ZMYM1: variants seen among roughly 807,000 people sequenced by gnomAD.
ZMYM1 encodes zinc finger MYM-type protein 1.
ZMYM1 carries 39 observed loss-of-function variants against 60.0 expected under a neutral mutation model. That is an observed-to-expected ratio of 0.65 (90% CI 0.50 to 0.85). ZMYM1 has a LOEUF of 0.85. Ranked by LOEUF, ZMYM1 falls within the 40% of genes least tolerant of loss-of-function variation. ZMYM1 has a pLI of 0.00. For missense variants in ZMYM1, 1,171 were observed against 1,309.5 expected (o/e 0.89, Z 1.63); for synonymous variants, 413 against 454.0 (o/e 0.91, Z 1.15).
chr1:35,114,400 A>G lies in ZMYM1; in HGVS notation c.2570A>G (p.Glu857Gly), dbSNP rs746952935. The change falls in exon 10 of 10, where the codon GAA (glutamate) becomes GGA (glycine). Residue 857 changes from glutamate (E) to glycine (G), a missense_variant. Coordinates refer to ENST00000359858, the MANE Select transcript of ZMYM1 (RefSeq NM_024772.5). ...TTGCTGACATTGGTTTCCAAATTTG[A>G]ATTTGTCTTTTGTTTGAAATTCCTG... ...SHLLTLVSKFEFVFCLKFLYR... is the reference protein window; with the variant it reads ...SHLLTLVSKFGFVFCLKFLYR... 4 of 1,613,008 alleles carry G rather than the reference A, an allele frequency of 2.5e-6. No homozygotes were observed. In the South Asian group the frequency reaches 4.4e-5, roughly 18 times the overall value.
rs750142779 is a variant in ZMYM1 at position 35,113,917 on chromosome 1, C to T, written c.2087C>T (p.Thr696Ile). The part of the protein sequence containing the change: ...EEMTGTHLHR[T>I]IKTYLQQIGV... The stretch of plus-strand genomic sequence containing the variant: ...ATGACTGGGACCCACTTACATAGGA[C>T]TATCAAAACTTATCTGCAGCAAATT... Residue 696 changes from threonine (T) to isoleucine (I), a missense_variant, in exon 10 of 10, where the codon ACT becomes ATT. Thr to Ile is a moderately conservative substitution (Grantham distance 89, BLOSUM62 -1). Coordinates refer to ENST00000359858, the MANE Select transcript of ZMYM1 (RefSeq NM_024772.5). The T allele has an allele frequency of 1.9e-6, 3 of 1,613,870 alleles. No homozygotes were observed. In the Admixed American group the frequency reaches 5.0e-5, roughly 27 times the overall value.
intron 6 of ZMYM1, among the ~76,000 whole-genome samples, chr1:35,109,743 T>G (rs968208265): frequency 1.3e-5 from 2 of 151,980 alleles, no homozygotes; most frequent in Admixed American, 6.6e-5. Context: ...ACTTTCTTCA[T>G]TGCTTTTTTT....
At chr1:35,084,711 G>T (rs752297860) in intron 1 of ZMYM1, among the ~76,000 whole-genome samples, 33 of 152,156 alleles carry the variant, frequency 2.2e-4, no homozygotes, top group Non-Finnish European at 3.8e-4. Flanking sequence ...GCTCTTTGAC[G>T]TTTAACTGCT....
intron 1 of ZMYM1, among the ~76,000 whole-genome samples, chr1:35,086,087 G>A (rs1431611958): frequency 6.6e-6 from 1 of 152,096 alleles, no homozygotes; most frequent in East Asian, 1.9e-4. Context: ...TTTAAACATT[G>A]TATTTGGGTT....
intron 1 of ZMYM1, among the ~76,000 whole-genome samples, chr1:35,089,974 G>A (rs1465696244): frequency 1.3e-5 from 2 of 148,846 alleles, no homozygotes; most frequent in South Asian, 2.1e-4. Context: ...GCGCGATCTC[G>A]GCTCACTGCA....
intron 4 of ZMYM1, among the ~76,000 whole-genome samples, chr1:35,102,451 C>G (rs1643711120): frequency 6.6e-6 from 1 of 152,134 alleles, no homozygotes; most frequent in South Asian, 2.1e-4. Flanking sequence ...TTTTATTATG[C>G]AGTATTTTAA....
At chr1:35,068,649 A>AAAT (rs1451846357) in intron 1 of ZMYM1, among the ~76,000 whole-genome samples, 3 of 145,284 alleles carry the variant, frequency 2.1e-5, no homozygotes, top group East Asian at 2.0e-4. Flanking sequence ...CAAAAAAAAA[A>AAAT]ATATATATAT....
At chr1:35,098,057 A>T (rs1264668115) in intron 4 of ZMYM1, among the ~76,000 whole-genome samples, 1 of 152,086 alleles carries the variant, frequency 6.6e-6, no homozygotes, top group Non-Finnish European at 1.5e-5. Flanking sequence ...TGCAGAAATT[A>T]ATGTGAAAAG....
intron 2 of ZMYM1, among the ~76,000 whole-genome samples, chr1:35,094,897 A>C (rs1173661839): frequency 1.3e-5 from 2 of 152,106 alleles, no homozygotes; most frequent in East Asian, 3.9e-4. Context: ...AACCAGCTGA[A>C]AGTTCTAATG....
At chr1:35,103,943 A>G (rs1043676668) in intron 4 of ZMYM1, among the ~76,000 whole-genome samples, 5 of 152,180 alleles carry the variant, frequency 3.3e-5, no homozygotes, top group African/African-American at 9.7e-5. Flanking sequence ...CCAAAACTAC[A>G]TCTTCAAAGT....
At chr1:35,107,050 A>AC (rs1258433023) in intron 6 of ZMYM1, among the ~76,000 whole-genome samples, 3 of 150,868 alleles carry the variant, frequency 2.0e-5, no homozygotes, top group Non-Finnish European at 4.4e-5. Context: ...ACAGGGTTTC[A>AC]CCGTGTTAGC....
chr1:35,088,989 T>C (rs888506454), intron 1 of ZMYM1, among the ~76,000 whole-genome samples: 12 of 151,686 alleles, frequency 7.9e-5, no homozygotes, highest in Admixed American at 7.2e-4. Flanking sequence ...TTTTTTGTAT[T>C]TTTTAGTGGA....
At chr1:35,087,575 C>T (rs973751347) in intron 1 of ZMYM1, among the ~76,000 whole-genome samples, 41 of 151,818 alleles carry the variant, frequency 2.7e-4, no homozygotes, top group African/African-American at 9.9e-4. Flanking sequence ...TACAGGCATG[C>T]CCCACCACGC....
At chr1:35,081,248 A>G (rs2148487860) in intron 1 of ZMYM1, among the ~76,000 whole-genome samples, 2 of 152,348 alleles carry the variant, frequency 1.3e-5, no homozygotes, top group African/African-American at 4.8e-5. Context: ...AGTGTAATGT[A>G]TAAAGAAGTG....
In ZMYM1 at chr1:35,104,327, T is replaced by C. The variant is rs779551107; in HGVS notation, c.452T>C (p.Val151Ala). Residue 151 changes from valine (V) to alanine (A), a missense_variant, in exon 5 of 10, where the codon GTC becomes GCC. Transcript: ENST00000359858. The stretch of plus-strand genomic sequence containing the variant: ...TTAAATCCAAAGGATGTGATTAGTG[T>C]CCAGCTGGAAGACACTACCTCTTGC... ...DILNPKDVIS[V>A]QLEDTTSCKT... The C allele has an allele frequency of 6.2e-7, 1 of 1,604,202 alleles. No homozygotes were observed. The highest frequency in any genetic ancestry group is 1.1e-5 in the South Asian group (1 of 89,928).
intron 1 of ZMYM1, among the ~76,000 whole-genome samples, chr1:35,088,136 A>G (rs1642756152): frequency 6.6e-6 from 1 of 151,386 alleles, no homozygotes; most frequent in Non-Finnish European, 1.5e-5. Flanking sequence ...AAAATATTTT[A>G]TGGCTGGGCG....
intron 1 of ZMYM1, chr1:35,093,309 T>TGTTC (rs1643130702): frequency 6.6e-6 from 1 of 152,492 alleles, no homozygotes; most frequent in South Asian, 2.1e-4. Flanking sequence ...TTTGTTTGTT[T>TGTTC]GTTTGTTGAG....
rs71029065 is a variant in ZMYM1 at position 35,089,738 on chromosome 1, C to CTTTTTTTT, written c.-74-4158_-74-4151dup. ...CCCTCCATAATGATTAGTTGTAAGG[C>CTTTTTTTT]TTTTTTTTTTTTTTTTTTTTTTTTT... is the stretch of plus-strand genomic sequence containing the variant. On this transcript the variant is annotated intron_variant, in intron 1 of 9. Coordinates refer to ENST00000359858, the MANE Select transcript of ZMYM1 (RefSeq NM_024772.5). 5.4e-3 allele frequency among the ~76,000 whole-genome samples: 330 copies of CTTTTTTTT among 60,990 alleles called. 38 individuals are homozygous for CTTTTTTTT. Among genetic ancestry groups the CTTTTTTTT allele is most frequent in the Non-Finnish European group, 6.6e-3 (247 of 37,500 alleles). 40.0% of individuals were successfully genotyped at this position (60,990 alleles called of 152,430 possible). A position where few individuals can be genotyped will look rare whatever the true frequency, so the allele number is the denominator to read the frequency against.
chr1:35,114,140 T>A lies in ZMYM1; in HGVS notation c.2310T>A (p.Thr770=), dbSNP rs750866677. 6.2e-6 allele frequency: 10 copies of A among 1,608,792 alleles called. No homozygotes were observed. The highest frequency in any genetic ancestry group is 8.5e-6 in the Non-Finnish European group (10 of 1,178,724). The change falls in exon 10 of 10, where the codon ACT becomes ACA. Residue 770 remains threonine, a synonymous_variant. Transcript: ENST00000359858. ...EVKELRSALK[T]LSSLFNTICM... ...AAGAACTCCGAAGTGCTCTAAAAACTCTCAGTTCTTTGTTCAACACTATTT... is the reference window on the plus strand; with the variant it reads ...AAGAACTCCGAAGTGCTCTAAAAACACTCAGTTCTTTGTTCAACACTATTT...
Sources: gnomAD v4.1 joint callset for allele counts (sites outside exome capture counted in the v4.1 genomes callset) on GRCh38, gnomAD v4.1.1 for gene constraint, MANE v1.5 for transcripts, NCBI Gene and HGNC (gene_info 2026-07-23, HGNC 2026-07-21) for gene names.